The following GPC5 variants were observed in gnomAD, a reference collection of about 807,000 sequenced individuals.
GPC5 encodes glypican 5.
A neutral mutation model predicts 53.9 loss-of-function variants in GPC5; 47 were observed. That is an observed-to-expected ratio of 0.87 (90% CI 0.69 to 1.11). The LOEUF (loss-of-function observed/expected upper bound fraction) is 1.11. GPC5 is among the 50% of genes most tolerant of loss of function. The pLI, the probability that GPC5 is intolerant of heterozygous loss-of-function variation, is 0.00. For missense variants in GPC5, 748 were observed against 713.1 expected, an observed-to-expected ratio of 1.05 and a Z score of -0.56; for synonymous variants, 286 against 263.3, an observed-to-expected ratio of 1.09 and a Z score of -0.84.
intron 7 of GPC5, among the ~76,000 whole-genome samples, chr13:92,522,029 G>A (rs1881072896): frequency 6.6e-6 from 1 of 151,854 alleles, no homozygotes; most frequent in African/African-American, 2.4e-5. Context: ...ATGAAAAAAT[G>A]TTCATCATCA....
Position 91,664,332 on chromosome 13 carries a change from G to A in GPC5, c.326-28855G>A, listed in dbSNP as rs145007846. Reference sequence around the variant, plus strand: ...GGGAAAGCGCTCAGAAGCTTCCTGCGTATTCATGTGACTCACCTCTGTGAG... The same window carrying A: ...GGGAAAGCGCTCAGAAGCTTCCTGCATATTCATGTGACTCACCTCTGTGAG... On this transcript the variant is annotated intron_variant, in intron 2 of 7. Transcript: ENST00000377067. Among the ~76,000 whole-genome samples the A allele has an allele frequency of 8.2e-3, 1,252 of 152,286 alleles. 16 individuals are homozygous for A. The highest frequency in any genetic ancestry group is 0.028 in the African/African-American group (1,176 of 41,550).
intron 7 of GPC5, among the ~76,000 whole-genome samples, chr13:92,345,554 G>T (rs1013967998): frequency 2.6e-5 from 4 of 152,056 alleles, no homozygotes; most frequent in Non-Finnish European, 5.9e-5. Context: ...TGAAAACCTT[G>T]ATACTTGGCA....
chr13:92,010,448 T>C (rs2040650563), intron 6 of GPC5, among the ~76,000 whole-genome samples: 1 of 152,286 alleles, frequency 6.6e-6, no homozygotes, highest in Non-Finnish European at 1.5e-5. Flanking sequence ...GAAAAAAAGT[T>C]GAGGAAGTGC....
chr13:92,029,135 C>G (rs1353033329), intron 6 of GPC5, among the ~76,000 whole-genome samples: 1 of 151,992 alleles, frequency 6.6e-6, no homozygotes, highest in African/African-American at 2.4e-5. Flanking sequence ...TCAGTATCAC[C>G]GTTTAGAAAT....
At chr13:92,127,344 A>G (rs1420420806) in intron 6 of GPC5, among the ~76,000 whole-genome samples, 1 of 150,790 alleles carries the variant, frequency 6.6e-6, no homozygotes, top group Admixed American at 6.6e-5. Context: ...TATATATATC[A>G]AAAGATGCTG....
At chr13:92,612,585 T>C (rs1278832244) in intron 7 of GPC5, among the ~76,000 whole-genome samples, 1 of 152,112 alleles carries the variant, frequency 6.6e-6, no homozygotes, top group East Asian at 1.9e-4. Flanking sequence ...TCTTGGCAAC[T>C]TTTGCATCAA....
intron 7 of GPC5, among the ~76,000 whole-genome samples, chr13:92,810,721 TTTTA>T (rs901084382): frequency 1.9e-4 from 29 of 152,028 alleles, no homozygotes; most frequent in Admixed American, 1.5e-3. Flanking sequence ...CACCTAGAAT[TTTTA>T]TTTATTTGTT....
chr13:91,682,118 T>C lies in GPC5; in HGVS notation c.326-11069T>C, dbSNP rs926201065. On this transcript the variant is annotated intron_variant, in intron 2 of 7. Coordinates refer to ENST00000377067, the MANE Select transcript of GPC5 (RefSeq NM_004466.6). ...CTGCTACTTTCTGTATAAACCTTGA[T>C]CAAATCACTTACACTCTCAGTGCTG... is the stretch of plus-strand genomic sequence containing the variant. Among the ~76,000 whole-genome samples the C allele has an allele frequency of 2.0e-5, 3 of 152,164 alleles. 1 individual carries two copies. The South Asian group carries it at 6.2e-4, about 32-fold the overall frequency.
intron 7 of GPC5, among the ~76,000 whole-genome samples, chr13:92,458,393 G>A (rs111769545): frequency 0.033 from 4,979 of 151,878 alleles, 272 homozygotes; most frequent in African/African-American, 0.11. Flanking sequence ...CCACATCCCG[G>A]GTTTAAGATA....
chr13:91,794,825 G>C (rs2138757629), intron 5 of GPC5, among the ~76,000 whole-genome samples: 1 of 152,160 alleles, frequency 6.6e-6, no homozygotes, highest in Non-Finnish European at 1.5e-5. Context: ...TAGTTTATAG[G>C]TGTGTCTTCC....
chr13:92,008,659 G>A (rs2040632665), intron 6 of GPC5, among the ~76,000 whole-genome samples: 1 of 152,090 alleles, frequency 6.6e-6, no homozygotes, highest in Admixed American at 6.6e-5. Context: ...GAAGAAGCCG[G>A]CAGTAATTCT....
chr13:91,664,655 G>T (rs778912221), intron 2 of GPC5, among the ~76,000 whole-genome samples: 9 of 151,716 alleles, frequency 5.9e-5, no homozygotes, highest in Non-Finnish European at 5.9e-5. Flanking sequence ...CATTTTTTTT[G>T]AAACCAGGAC....
chr13:91,416,454 TTTA>T (rs368453925), intron 1 of GPC5, among the ~76,000 whole-genome samples: 21 of 151,000 alleles, frequency 1.4e-4, no homozygotes, highest in African/African-American at 3.6e-4. Flanking sequence ...ATCCATTTCT[TTTA>T]TTATTATTAT....
At chr13:91,817,414 G>A (rs149649267) in intron 5 of GPC5, among the ~76,000 whole-genome samples, 69 of 152,246 alleles carry the variant, frequency 4.5e-4, no homozygotes, top group African/African-American at 1.5e-3. Context: ...ATGGAAATGC[G>A]CAGTCATGTC....
chr13:92,759,355 C>CT (rs1875064712), intron 7 of GPC5, among the ~76,000 whole-genome samples: 1 of 151,842 alleles, frequency 6.6e-6, no homozygotes, highest in Non-Finnish European at 1.5e-5. Flanking sequence ...TAAGACACTA[C>CT]TTTTTTATTC....
chr13:91,804,940 T>C (rs541972194), intron 5 of GPC5, among the ~76,000 whole-genome samples: 4 of 152,276 alleles, frequency 2.6e-5, no homozygotes, highest in Admixed American at 2.0e-4. Context: ...CTCAAGAATG[T>C]CAGGTAGCAG....
chr13:92,278,352 T>C (rs2042890476), intron 7 of GPC5, among the ~76,000 whole-genome samples: 2 of 152,002 alleles, frequency 1.3e-5, no homozygotes, highest in Admixed American at 1.3e-4. Context: ...CAATCTGAAT[T>C]TAAAATATAC....
At chr13:92,005,302 G>C (rs1057027686) in intron 6 of GPC5, among the ~76,000 whole-genome samples, 2 of 152,086 alleles carry the variant, frequency 1.3e-5, no homozygotes, top group African/African-American at 2.4e-5. Flanking sequence ...CACTACTTTG[G>C]CCTTTTATCC....
intron 6 of GPC5, among the ~76,000 whole-genome samples, chr13:92,045,626 A>T (rs1455427335): frequency 6.6e-6 from 1 of 152,154 alleles, no homozygotes; most frequent in Non-Finnish European, 1.5e-5. Context: ...GACCACTTTC[A>T]TGGTACTTAA....
Sources: gnomAD v4.1 joint callset for allele counts (sites outside exome capture counted in the v4.1 genomes callset) on GRCh38, gnomAD v4.1.1 for gene constraint, MANE v1.5 for transcripts, NCBI Gene and HGNC (gene_info 2026-07-23, HGNC 2026-07-21) for gene names.